The following DCDC1 variants were observed in gnomAD, a reference collection of about 807,000 sequenced individuals.
DCDC1 encodes the protein doublecortin domain containing 1, also known as doublecortin domain-containing protein 1.
DCDC1 carries 200 observed loss-of-function variants against 178.3 expected under a neutral mutation model. The ratio of observed to expected loss-of-function variants is 1.12; its 90% CI spans 1.00 to 1.26. The LOEUF is 1.26. Among genes scored for constraint, DCDC1 ranks in the 50% most tolerant of loss-of-function variants. The probability of loss-of-function intolerance (pLI) is 0.00; values close to 1 mark genes in which losing one functional copy is unlikely to be tolerated. For missense variants in DCDC1, 1,983 were observed against 1,749.2 expected (o/e 1.13, Z -2.38); for synonymous variants, 690 against 604.8 (o/e 1.14, Z -2.07).
chr11:31,115,355 C>G (rs1959724550), intron 11 of DCDC1, among the ~76,000 whole-genome samples: 1 of 152,112 alleles, frequency 6.6e-6, no homozygotes, highest in Non-Finnish European at 1.5e-5. Context: ...TGTGGGGGAA[C>G]AGCAGGTTCC....
intron 2 of DCDC1, among the ~76,000 whole-genome samples, chr11:31,331,737 C>G (rs972882161): frequency 6.6e-6 from 1 of 152,024 alleles, no homozygotes; most frequent in Non-Finnish European, 1.5e-5. Context: ...CCTACTTGAT[C>G]GTGGTGGATA....
intron 18 of DCDC1, among the ~76,000 whole-genome samples, chr11:31,070,647 T>C (rs1956501257): frequency 6.6e-6 from 1 of 152,156 alleles, no homozygotes; most frequent in Admixed American, 6.6e-5. Flanking sequence ...CCACTAAAGA[T>C]TGAGTAAGAA....
chr11:31,268,403 C>G (rs182078027), intron 7 of DCDC1, among the ~76,000 whole-genome samples: 1 of 152,300 alleles, frequency 6.6e-6, no homozygotes, highest in African/African-American at 2.4e-5. Context: ...TTCACAGTGT[C>G]TGCTGTTGCC....
chr11:31,123,432 A>T (rs1241785744), intron 11 of DCDC1, among the ~76,000 whole-genome samples: 3 of 152,082 alleles, frequency 2.0e-5, no homozygotes, highest in Non-Finnish European at 4.4e-5. Flanking sequence ...ATATAAAACA[A>T]CTGGCTTACA....
chr11:31,004,439 C>T (rs1250010572), intron 20 of DCDC1, among the ~76,000 whole-genome samples: 5 of 150,646 alleles, frequency 3.3e-5, no homozygotes, highest in East Asian at 3.9e-4. Context: ...TTTGGGAGGC[C>T]GAGGTGGGAG....
intron 30 of DCDC1, among the ~76,000 whole-genome samples, chr11:30,905,413 CTTGT>C (rs1245016341): frequency 2.0e-5 from 3 of 152,146 alleles, no homozygotes; most frequent in Non-Finnish European, 4.4e-5. Flanking sequence ...CTGGCATTCT[CTTGT>C]TTTTGTTTGT....
intron 9 of DCDC1, among the ~76,000 whole-genome samples, chr11:31,197,468 C>A (rs1970821849): frequency 6.6e-6 from 1 of 151,974 alleles, no homozygotes; most frequent in African/African-American, 2.4e-5. Context: ...TTGTTTTATT[C>A]AACCCTAAAA....
chr11:31,000,240 T>C (rs1322705061), intron 20 of DCDC1, among the ~76,000 whole-genome samples: 1 of 152,218 alleles, frequency 6.6e-6, no homozygotes, highest in African/African-American at 2.4e-5. Flanking sequence ...CTATATCAAA[T>C]GAATACCAAA....
chr11:31,320,671 C>A (rs796207346), intron 3 of DCDC1, among the ~76,000 whole-genome samples: 1 of 29,948 alleles, frequency 3.3e-5, no homozygotes, highest in Non-Finnish European at 5.5e-5. Flanking sequence ...AATCATTCTC[C>A]ATCCAGCTTT....
chr11:31,160,791 G>A (rs914719741), intron 9 of DCDC1, among the ~76,000 whole-genome samples: 2 of 152,060 alleles, frequency 1.3e-5, no homozygotes, highest in East Asian at 1.9e-4. Context: ...AATGCTTATC[G>A]CACAATTTGG....
chr11:30,865,187 ATAAATTTTACGAC>A lies in DCDC1; in HGVS notation c.*173_*185del, dbSNP rs1388033999. ...TATTTAAAATGCAGATTTTTGAAGG[ATAAATTTTACGAC>A]TAATTTTTTTTAATAAACTATGCAG... On this transcript the variant is annotated 3_prime_UTR_variant, in exon 39 of 39. Transcript: ENST00000684477. 2.0e-5 allele frequency: 3 copies of A among 152,158 alleles called. No individual in the cohort carries two copies. The highest frequency in any genetic ancestry group is 7.2e-5 in the African/African-American group (3 of 41,444). 9.4% of individuals were successfully genotyped at this position (152,158 alleles called of 1,614,324 possible).
intron 3 of DCDC1, among the ~76,000 whole-genome samples, chr11:31,325,803 A>T (rs2137830818): frequency 6.6e-6 from 1 of 152,216 alleles, no homozygotes; most frequent in East Asian, 1.9e-4. Flanking sequence ...AAACAAATTG[A>T]CTATATTTTA....
intron 21 of DCDC1, among the ~76,000 whole-genome samples, chr11:30,934,680 A>T (rs542090330): frequency 5.9e-5 from 9 of 152,324 alleles, no homozygotes; most frequent in Non-Finnish European, 1.2e-4. Flanking sequence ...ATCCTGGCAT[A>T]GAGCCAACAT....
chr11:31,186,163 G>A (rs1276879257), intron 9 of DCDC1, among the ~76,000 whole-genome samples: 1 of 151,936 alleles, frequency 6.6e-6, no homozygotes, highest in Admixed American at 6.6e-5. Context: ...CCTCAAGCTG[G>A]CCTACTGGCT....
At chr11:31,114,182 A>G (rs921072631) in intron 11 of DCDC1, among the ~76,000 whole-genome samples, 1 of 152,172 alleles carries the variant, frequency 6.6e-6, no homozygotes. Context: ...CCCTAATTCA[A>G]TTTCTCCTTA....
Position 30,900,489 on chromosome 11 carries a change from C to T in DCDC1, c.4520G>A (p.Arg1507Lys). The T allele has an allele frequency of 6.5e-7, 1 of 1,531,544 alleles. No homozygotes were observed. Among genetic ancestry groups the T allele is most frequent in the South Asian group, 1.3e-5 (1 of 75,676 alleles). The allele number at this position is 1,531,544 out of a possible 1,614,324, so 94.9% of individuals were successfully genotyped here. ...AAATAATCTGTTTTTCACTTTCATT[C>T]TTGGATTTTCTGGTGGAAAAAATGA... ...IIVESMEENPRMKVKNRLFAK... is the reference protein window; with the variant it reads ...IIVESMEENPKMKVKNRLFAK... The change falls in exon 33 of 39, where the codon AGA becomes AAA. Residue 1507 changes from arginine (R) to lysine (K), a missense_variant. Arg to Lys is a conservative substitution (Grantham distance 26). Coordinates refer to ENST00000684477, the MANE Select transcript of DCDC1 (RefSeq NM_001387274.1).
At chr11:31,089,940 T>C (rs1000891991) in intron 17 of DCDC1, among the ~76,000 whole-genome samples, 1 of 152,182 alleles carries the variant, frequency 6.6e-6, no homozygotes, top group Admixed American at 6.5e-5. Flanking sequence ...TTTTTCTCTT[T>C]AGTATAACTG....
intron 18 of DCDC1, among the ~76,000 whole-genome samples, chr11:31,065,833 T>C (rs1956220144): frequency 6.6e-6 from 1 of 152,178 alleles, no homozygotes; most frequent in Non-Finnish European, 1.5e-5. Context: ...ATAAAATCTG[T>C]CACTGCTCAT....
chr11:30,974,165 T>TAA (rs1483003942), intron 20 of DCDC1, among the ~76,000 whole-genome samples: 1 of 144,920 alleles, frequency 6.9e-6, no homozygotes, highest in Non-Finnish European at 1.5e-5. Flanking sequence ...TAAGGAGAAA[T>TAA]AAAAAAAGTT....
Sources: allele counts gnomAD v4.1 joint callset (sites outside exome capture counted in the v4.1 genomes callset), GRCh38; gene constraint gnomAD v4.1.1; transcripts MANE v1.5; gene names NCBI Gene and HGNC (gene_info 2026-07-23, HGNC 2026-07-21).